Variants in RBMS3 observed in about 807,000 individuals in gnomAD.
The protein encoded by RBMS3 is RNA binding motif single stranded interacting protein 3, also known as RNA-binding motif, single-stranded-interacting protein 3.
RBMS3 carries 27 observed loss-of-function variants against 66.8 expected under a neutral mutation model. The observed-to-expected ratio is 0.40, with a 90% CI of 0.30 to 0.56. RBMS3 has a LOEUF of 0.56. Ranked by LOEUF, RBMS3 falls within the 20% of genes least tolerant of loss-of-function variation. The pLI is 0.40. For missense variants in RBMS3, 513 were observed against 549.5 expected (o/e 0.93, Z 0.66); for synonymous variants, 188 against 183.0 (o/e 1.03, Z -0.22).
rs1488687318 is a variant in RBMS3 at position 29,521,007 on chromosome 3, C to T, written c.307+32508C>T. 7.9e-5 allele frequency among the ~76,000 whole-genome samples: 12 copies of T among 152,016 alleles called. No homozygotes were observed. In the South Asian group the frequency reaches 1.5e-3, roughly 18 times the overall value. ...CAGGTCTCCGCTCACATGTCATCTC[C>T]GCTCACATTTAAGAGGCCCTCCTCT... On this transcript the variant is annotated intron_variant, in intron 3 of 14. Coordinates refer to ENST00000383767, the MANE Select transcript of RBMS3 (RefSeq NM_001003793.3).
At chr3:29,994,668 C>T (rs1699099487) in intron 14 of RBMS3, among the ~76,000 whole-genome samples, 2 of 152,238 alleles carry the variant, frequency 1.3e-5, no homozygotes, top group African/African-American at 4.8e-5. Flanking sequence ...GGCACACTGA[C>T]ACCTCACACG....
intron 4 of RBMS3, among the ~76,000 whole-genome samples, chr3:29,707,772 G>A (rs1287481391): frequency 1.3e-5 from 2 of 152,186 alleles, no homozygotes; most frequent in Admixed American, 6.5e-5. Flanking sequence ...CTTGCCAAAC[G>A]AGGGTAGGAA....
intron 3 of RBMS3, among the ~76,000 whole-genome samples, chr3:29,488,874 G>A (rs2043422417): frequency 6.6e-6 from 1 of 152,128 alleles, no homozygotes; most frequent in Non-Finnish European, 1.5e-5. Context: ...TAATTTCTCT[G>A]TTCTTTAAAG....
intron 6 of RBMS3, among the ~76,000 whole-genome samples, chr3:29,770,604 T>C (rs1383676587): frequency 3.3e-5 from 5 of 152,026 alleles, no homozygotes; most frequent in Admixed American, 2.0e-4. Context: ...TCTAAAATAC[T>C]GACTCCATTC....
chr3:29,369,683 A>G (rs560059187), intron 1 of RBMS3, among the ~76,000 whole-genome samples: 11 of 134,190 alleles, frequency 8.2e-5, no homozygotes, highest in Admixed American at 6.9e-4. Flanking sequence ...AAAATGATTC[A>G]GAGTCTAGAG....
chr3:29,963,902 A>T (rs1236369528), intron 12 of RBMS3, among the ~76,000 whole-genome samples: 1 of 151,784 alleles, frequency 6.6e-6, no homozygotes, highest in Non-Finnish European at 1.5e-5. Flanking sequence ...ATGAAGGAGG[A>T]CAAGAGAAAA....
Position 29,669,878 on chromosome 3 carries a change from G to A in RBMS3, c.400-69842G>A, listed in dbSNP as rs544941057. Among the ~76,000 whole-genome samples, 118 of 152,310 alleles carry A rather than the reference G, an allele frequency of 7.7e-4. 1 individual carries two copies. In the South Asian group the frequency reaches 0.011, roughly 14 times the overall value. On this transcript the variant is annotated intron_variant, in intron 4 of 14. Coordinates refer to ENST00000383767, the MANE Select transcript of RBMS3 (RefSeq NM_001003793.3). ...TAACTTTGATTCAGCTAGCAAGTGCGCTTTCATAGAATCATGCCTGGGAAT... is the reference window on the plus strand; with the variant it reads ...TAACTTTGATTCAGCTAGCAAGTGCACTTTCATAGAATCATGCCTGGGAAT...
chr3:29,844,263 T>G (rs2058728715), intron 6 of RBMS3, among the ~76,000 whole-genome samples: 1 of 152,184 alleles, frequency 6.6e-6, no homozygotes, highest in Non-Finnish European at 1.5e-5. Context: ...TTGTTTTGTT[T>G]TGTTTGTGCC....
chr3:29,987,350 G>A (rs1245091233), intron 12 of RBMS3, among the ~76,000 whole-genome samples: 1 of 152,152 alleles, frequency 6.6e-6, no homozygotes, highest in East Asian at 1.9e-4. Context: ...CATACTTTAT[G>A]CTTATGTAAC....
intron 3 of RBMS3, among the ~76,000 whole-genome samples, chr3:29,555,993 T>C (rs1050061642): frequency 1.3e-5 from 2 of 152,234 alleles, no homozygotes; most frequent in Non-Finnish European, 2.9e-5. Flanking sequence ...CAGATTACAT[T>C]TGAAATATAT....
At chr3:29,446,906 CTTTTTTTTTTTT>C (rs11293530) in intron 2 of RBMS3, among the ~76,000 whole-genome samples, 4 of 68,582 alleles carry the variant, frequency 5.8e-5, no homozygotes, top group South Asian at 8.0e-4. Context: ...ATTAAGCAGT[CTTTTTTTTTTTT>C]TTTTTTTTTT....
intron 9 of RBMS3, among the ~76,000 whole-genome samples, chr3:29,897,911 A>T (rs938703614): frequency 6.6e-6 from 1 of 151,654 alleles, no homozygotes; most frequent in East Asian, 1.9e-4. Context: ...AGCTACACAG[A>T]TAGATGTTAA....
chr3:29,998,611 G>A (rs556341681), intron 14 of RBMS3, among the ~76,000 whole-genome samples: 12 of 152,056 alleles, frequency 7.9e-5, no homozygotes, highest in South Asian at 2.1e-4. Context: ...AAATAATGCC[G>A]CATATCTACA....
intron 12 of RBMS3, among the ~76,000 whole-genome samples, chr3:29,985,385 C>T (rs998941295): frequency 6.6e-6 from 1 of 150,920 alleles, no homozygotes; most frequent in Non-Finnish European, 1.5e-5. Flanking sequence ...CACTGGCATT[C>T]CAGGTGCCAC....
At chr3:29,296,039 G>A (rs1020687533) in intron 1 of RBMS3, among the ~76,000 whole-genome samples, 1 of 151,728 alleles carries the variant, frequency 6.6e-6, no homozygotes, top group Non-Finnish European at 1.5e-5. Context: ...ACTTCCTGAT[G>A]GAAGTACAAG....
chr3:29,390,555 A>T (rs60852658), intron 1 of RBMS3, among the ~76,000 whole-genome samples: 3,533 of 61,178 alleles, frequency 0.058, 144 homozygotes, highest in African/African-American at 0.19. Context: ...AAGTTTATTT[A>T]AAAAAAAAAT....
chr3:29,988,074 T>G, intron 12 of RBMS3, 69 bp from the exon 13 acceptor site: 1 of 1,255,808 alleles, frequency 8.0e-7, no homozygotes, highest in Non-Finnish European at 1.2e-6. Flanking sequence ...CAGTCTCCTG[T>G]GGTATTTAAT....
intron 6 of RBMS3, among the ~76,000 whole-genome samples, chr3:29,842,874 G>T (rs2058694888): frequency 2.0e-5 from 3 of 152,212 alleles, no homozygotes; most frequent in Admixed American, 2.0e-4. Flanking sequence ...AGGCAAGGAA[G>T]TATATGCTTG....
chr3:29,637,204 G>A (rs193233348), intron 4 of RBMS3, among the ~76,000 whole-genome samples: 1 of 151,820 alleles, frequency 6.6e-6, no homozygotes, highest in East Asian at 1.9e-4. Flanking sequence ...TGACATCCCT[G>A]GGGACTGCTG....
Sources: allele counts gnomAD v4.1 joint callset (sites outside exome capture counted in the v4.1 genomes callset), GRCh38; gene constraint gnomAD v4.1.1; transcripts MANE v1.5; gene names NCBI Gene and HGNC (gene_info 2026-07-23, HGNC 2026-07-21).